The following PARN variants were observed in gnomAD, a reference collection of about 807,000 sequenced individuals.
PARN encodes poly(A)-specific ribonuclease PARN.
PARN carries 71 observed loss-of-function variants against 102.8 expected under a neutral mutation model. That is an observed-to-expected ratio of 0.69 (90% CI 0.57 to 0.84). The LOEUF is 0.84. Ranked by LOEUF, PARN falls within the 40% of genes least tolerant of loss-of-function variation. The pLI is 0.00. For missense variants in PARN, 782 were observed against 760.9 expected (o/e 1.03, Z -0.33); for synonymous variants, 261 against 252.9 (o/e 1.03, Z -0.30).
chr16:14,618,237 C>G (rs1477767308), intron 5 of PARN, among the ~76,000 whole-genome samples: 2 of 152,036 alleles, frequency 1.3e-5, no homozygotes, highest in East Asian at 3.9e-4. Flanking sequence ...CCTGTAATCC[C>G]AGCACTTTGG....
chr16:14,552,253 G>A (rs1215360852), intron 20 of PARN, among the ~76,000 whole-genome samples, 158 bp from the exon 21 acceptor site: 8 of 152,164 alleles, frequency 5.3e-5, no homozygotes, highest in African/African-American at 1.4e-4. Flanking sequence ...CAGAGAGTTA[G>A]CCTGTTCAAA....
intron 21 of PARN, among the ~76,000 whole-genome samples, chr16:14,531,766 T>C (rs746829163): frequency 5.3e-5 from 8 of 152,192 alleles, no homozygotes; most frequent in Admixed American, 1.3e-4. Context: ...CTCTATTTGG[T>C]TGACCAACTT....
At position 14,606,635 on chromosome 16, in the gene PARN, C is replaced by G. The variant is rs911568314; in HGVS notation, c.660-109G>C. 6.9e-6 allele frequency: 4 copies of G among 575,750 alleles called. No homozygotes were observed. In the African/African-American group the frequency reaches 7.7e-5, roughly 11 times the overall value. The allele number at this position is 575,750 out of a possible 1,614,324, so 35.7% of individuals were successfully genotyped here. A position where few individuals can be genotyped will look rare whatever the true frequency, so the allele number is the denominator to read the frequency against. ...CTAATTAAGTAAGTTTTATTAACTA[C>G]AAAATAATTATCACTACAATGGAGA... On this transcript the variant is annotated intron_variant, in intron 9 of 23. Transcript: ENST00000437198.
chr16:14,501,579 C>G (rs556605746), intron 21 of PARN: 32 of 151,962 alleles, frequency 2.1e-4, no homozygotes, highest in African/African-American at 7.2e-4. Context: ...TGGCCAACAG[C>G]TGATAGAGGG....
chr16:14,556,115 G>A (rs915697848), intron 18 of PARN, among the ~76,000 whole-genome samples: 4 of 151,304 alleles, frequency 2.6e-5, no homozygotes, highest in African/African-American at 7.3e-5. Context: ...CATTACAGGC[G>A]TGAGCCACCA....
At chr16:14,566,720 A>G (rs1378841071) in intron 18 of PARN, among the ~76,000 whole-genome samples, 1 of 152,250 alleles carries the variant, frequency 6.6e-6, no homozygotes, top group African/African-American at 2.4e-5. Flanking sequence ...TTATAATAAT[A>G]AACAAGCTAT....
intron 21 of PARN, among the ~76,000 whole-genome samples, chr16:14,492,438 C>G (rs567034913): frequency 6.6e-6 from 1 of 152,156 alleles, no homozygotes; most frequent in Non-Finnish European, 1.5e-5. Context: ...CAGATCCCAC[C>G]GCCTGGACCC....
intron 21 of PARN, among the ~76,000 whole-genome samples, chr16:14,490,475 C>T (rs564102487): frequency 8.5e-5 from 13 of 152,308 alleles, no homozygotes; most frequent in Middle Eastern, 3.4e-3. Context: ...CTTGTGCAAA[C>T]GCTGGAAGGA....
intron 18 of PARN, among the ~76,000 whole-genome samples, chr16:14,568,292 A>G (rs1596694838): frequency 6.9e-6 from 1 of 144,766 alleles, no homozygotes; most frequent in Non-Finnish European, 1.5e-5. Context: ...GGCTCACCGC[A>G]GCCTCTGCCT....
intron 18 of PARN, among the ~76,000 whole-genome samples, chr16:14,556,547 G>A (rs1396070670): frequency 6.6e-6 from 1 of 152,108 alleles, no homozygotes; most frequent in Non-Finnish European, 1.5e-5. Context: ...AAACAAACAA[G>A]CAACAAACTG....
At chr16:14,566,714 A>G (rs1285192287) in intron 18 of PARN, among the ~76,000 whole-genome samples, 1 of 152,206 alleles carries the variant, frequency 6.6e-6, no homozygotes, top group Non-Finnish European at 1.5e-5. Flanking sequence ...TTTAAATTAT[A>G]ATAATAAACA....
chr16:14,481,896 A>T (rs546223538), intron 22 of PARN, among the ~76,000 whole-genome samples: 2 of 152,332 alleles, frequency 1.3e-5, no homozygotes, highest in East Asian at 3.9e-4. Flanking sequence ...GGGTGATAAA[A>T]GGAAGTGTGA....
chr16:14,534,205 G>GT (rs1458719886), intron 21 of PARN, among the ~76,000 whole-genome samples: 4 of 142,908 alleles, frequency 2.8e-5, no homozygotes, highest in Non-Finnish European at 4.5e-5. Context: ...GGCAACTGGA[G>GT]TAAGACCCTG....
intron 21 of PARN, among the ~76,000 whole-genome samples, chr16:14,538,350 C>A (rs1384189637): frequency 6.6e-6 from 1 of 151,646 alleles, no homozygotes; most frequent in Admixed American, 6.6e-5. Context: ...TCCCAAGTAA[C>A]TGGGACTACA....
At chr16:14,551,710 A>G (rs1967314427) in intron 21 of PARN, among the ~76,000 whole-genome samples, 1 of 152,244 alleles carries the variant, frequency 6.6e-6, no homozygotes, top group Non-Finnish European at 1.5e-5. Context: ...AATTTATTAC[A>G]GGTACTTCTC....
intron 13 of PARN, among the ~76,000 whole-genome samples, chr16:14,591,520 T>A (rs1365677888): frequency 1.3e-5 from 2 of 152,338 alleles, no homozygotes; most frequent in Middle Eastern, 3.4e-3. Flanking sequence ...CTATGCCAAT[T>A]GGTTTACGTA....
At chr16:14,534,833 A>T (rs924332181) in intron 21 of PARN, among the ~76,000 whole-genome samples, 2 of 142,232 alleles carry the variant, frequency 1.4e-5, no homozygotes, top group Admixed American at 1.4e-4. Context: ...TCATTTCTAA[A>T]TTTTTTTTTT....
Position 14,628,170 on chromosome 16 carries a change from GC to G in PARN, c.177+1del. 5 of 1,541,790 alleles carry G rather than the reference GC, an allele frequency of 3.2e-6. No homozygotes were observed. The highest frequency in any genetic ancestry group is 4.5e-6 in the Non-Finnish European group (5 of 1,116,254). On this transcript the variant is annotated splice_donor_variant, in intron 3 of 23. Transcript: ENST00000437198. LOFTEE classifies it high-confidence loss of function. ...AAAAGATTTCCTAGCACATCCACTT[GC>G]CTTTTTAAGCTTCTGATACCTCTCT...
chr16:14,624,638 G>A (rs1972527083), intron 5 of PARN, among the ~76,000 whole-genome samples: 1 of 152,204 alleles, frequency 6.6e-6, no homozygotes, highest in Non-Finnish European at 1.5e-5. Flanking sequence ...AGTGCCATCG[G>A]CCAGATGTGG....
Sources: gnomAD v4.1 joint callset for allele counts (sites outside exome capture counted in the v4.1 genomes callset) on GRCh38, gnomAD v4.1.1 for gene constraint, MANE v1.5 for transcripts, NCBI Gene and HGNC (gene_info 2026-07-23, HGNC 2026-07-21) for gene names.